EYS: variants seen among roughly 807,000 people sequenced by gnomAD.
EYS encodes protein eyes shut homolog.
Under a neutral mutation model 282.1 loss-of-function variants are expected in EYS, and 250 were observed. That is an observed-to-expected ratio of 0.89 (90% CI 0.80 to 0.98). The LOEUF (loss-of-function observed/expected upper bound fraction) is 0.98. EYS is among the 50% of genes least tolerant of loss of function. EYS has a pLI of 0.00. For missense variants in EYS, 4,016 were observed against 3,709.0 expected, an observed-to-expected ratio of 1.08 and a Z score of -2.15; for synonymous variants, 1,355 against 1,282.9, an observed-to-expected ratio of 1.06 and a Z score of -1.20.
chr6:65,046,350 C>T lies in EYS; in HGVS notation c.2137+11264G>A, dbSNP rs556112496. Among the ~76,000 whole-genome samples the T allele has an allele frequency of 5.3e-5, 8 of 151,924 alleles. No individual in the cohort carries two copies. In the South Asian group the frequency reaches 1.0e-3, roughly 20 times the overall value. Reference sequence around the variant, plus strand: ...TGGTACAGTGATAAATTTATTAGCTCAAGTAGCAAATCATGAGAGTAGAAG... The same window carrying T: ...TGGTACAGTGATAAATTTATTAGCTTAAGTAGCAAATCATGAGAGTAGAAG... On this transcript the variant is annotated intron_variant, in intron 13 of 42. Transcript: ENST00000503581.
chr6:64,089,108 C>T (rs1174584539), intron 31 of EYS, among the ~76,000 whole-genome samples: 1 of 151,856 alleles, frequency 6.6e-6, no homozygotes, highest in Non-Finnish European at 1.5e-5. Context: ...GGACATCGTA[C>T]AAACTCTGTG....
At chr6:64,812,220 C>T (rs368249553) in intron 22 of EYS, among the ~76,000 whole-genome samples, 11 of 146,468 alleles carry the variant, frequency 7.5e-5, no homozygotes, top group South Asian at 2.2e-4. Flanking sequence ...ACACAAGATA[C>T]GAGAAAGAAG....
At chr6:63,809,317 C>T (rs937049811) in intron 36 of EYS, among the ~76,000 whole-genome samples, 3 of 152,158 alleles carry the variant, frequency 2.0e-5, no homozygotes, top group Admixed American at 1.3e-4. Context: ...TTCCATCTTC[C>T]GCCAGGTAAC....
At chr6:63,755,506 A>C (rs1275864182) in intron 41 of EYS, among the ~76,000 whole-genome samples, 1 of 152,184 alleles carries the variant, frequency 6.6e-6, no homozygotes, top group Non-Finnish European at 1.5e-5. Flanking sequence ...TTTTGGTACC[A>C]GTACCATGCT....
intron 22 of EYS, among the ~76,000 whole-genome samples, chr6:64,752,643 G>A (rs1253398708): frequency 6.6e-6 from 1 of 151,974 alleles, no homozygotes; most frequent in African/African-American, 2.4e-5. Context: ...CCAGATACAA[G>A]AAGCTCAGAG....
At chr6:64,393,325 C>G (rs1231000483) in intron 28 of EYS, among the ~76,000 whole-genome samples, 2 of 151,992 alleles carry the variant, frequency 1.3e-5, no homozygotes, top group Admixed American at 6.5e-5. Flanking sequence ...AGAGATACAA[C>G]AAAAAAAGAG....
At position 65,491,966 on chromosome 6, in the gene EYS, C is replaced by A. The variant is rs931525653; in HGVS notation, c.749-1259G>T. On this transcript the variant is annotated intron_variant, in intron 4 of 42. Transcript: ENST00000503581. ...AAAGACACAGGGAGAAGACAGCAGT[C>A]TATGGACCAAGCAAATAGATCTCAG... Among the ~76,000 whole-genome samples the A allele has an allele frequency of 5.9e-5, 9 of 152,114 alleles. No homozygotes were observed. The East Asian group carries it at 1.7e-3, about 29-fold the overall frequency.
rs73765756 is a variant in EYS, at chr6:65,085,091, A to G, written c.2024-27364T>C. On this transcript the variant is annotated intron_variant, in intron 12 of 42. Coordinates refer to ENST00000503581, the MANE Select transcript of EYS (RefSeq NM_001142800.2). ...ATTAGATGTCTCAACTGGTGAACAG[A>G]AGAAAATTATAAATAAGAAATTATG... 2.8e-3 allele frequency among the ~76,000 whole-genome samples: 423 copies of G among 152,302 alleles called. 6 individuals carry two copies. The highest frequency in any genetic ancestry group is 0.01 in the Middle Eastern group (3 of 294).
intron 2 of EYS, among the ~76,000 whole-genome samples, chr6:65,578,616 T>C (rs538381344): frequency 6.6e-6 from 1 of 151,790 alleles, no homozygotes; most frequent in Non-Finnish European, 1.5e-5. Flanking sequence ...TTAAAAAAAA[T>C]GATAAGTGTG....
chr6:64,728,345 A>T (rs1771832642), intron 22 of EYS, among the ~76,000 whole-genome samples: 1 of 151,498 alleles, frequency 6.6e-6, no homozygotes, highest in African/African-American at 2.4e-5. Context: ...TTTATTTTTT[A>T]TTTTTTTGAG....
chr6:65,077,440 G>A (rs1019862992), intron 12 of EYS, among the ~76,000 whole-genome samples: 7 of 152,102 alleles, frequency 4.6e-5, no homozygotes, highest in Middle Eastern at 3.4e-3. Flanking sequence ...TGAAGAAAAC[G>A]CTCTAGGTTT....
intron 30 of EYS, among the ~76,000 whole-genome samples, chr6:64,250,292 A>G (rs1274271733): frequency 6.6e-6 from 1 of 152,214 alleles, no homozygotes; most frequent in Non-Finnish European, 1.5e-5. Flanking sequence ...ACAAATAAAC[A>G]GTGATCCATT....
At chr6:64,175,160 T>C (rs1251851593) in intron 31 of EYS, among the ~76,000 whole-genome samples, 1 of 152,170 alleles carries the variant, frequency 6.6e-6, no homozygotes, top group Non-Finnish European at 1.5e-5. Context: ...TTTAATAATA[T>C]CTGATTCCTT....
chr6:64,140,187 C>A (rs1016175939), intron 31 of EYS, among the ~76,000 whole-genome samples: 4 of 151,952 alleles, frequency 2.6e-5, no homozygotes, highest in African/African-American at 7.3e-5. Context: ...CTGGGGTAAC[C>A]CCCCATCTAT....
At chr6:63,999,215 A>T in intron 33 of EYS, 32 bp from the exon 34 acceptor site, 1 of 1,454,636 alleles carries the variant, frequency 6.9e-7, no homozygotes, top group Non-Finnish European at 9.4e-7. Flanking sequence ...CCATTATGAT[A>T]TGTGTTTTTG....
chr6:64,467,109 T>C (rs913051512), intron 26 of EYS, among the ~76,000 whole-genome samples: 1 of 152,166 alleles, frequency 6.6e-6, no homozygotes, highest in African/African-American at 2.4e-5. Context: ...CAAAAACTCT[T>C]CTCAAAAGAG....
intron 22 of EYS, among the ~76,000 whole-genome samples, chr6:64,808,021 C>T (rs1186200415): frequency 6.6e-6 from 1 of 150,448 alleles, no homozygotes; most frequent in Non-Finnish European, 1.5e-5. Flanking sequence ...TCCCTCCTTC[C>T]TTCCTCCCTC....
chr6:64,133,476 T>TCACACACACACA (rs61088369), intron 31 of EYS, among the ~76,000 whole-genome samples: 29 of 142,460 alleles, frequency 2.0e-4, no homozygotes, highest in East Asian at 6.1e-4. Context: ...TTGCATTACT[T>TCACACACACACA]CACACACACA....
chr6:63,955,474 G>A (rs748473324), intron 35 of EYS, among the ~76,000 whole-genome samples: 8 of 151,942 alleles, frequency 5.3e-5, no homozygotes, highest in East Asian at 3.9e-4. Flanking sequence ...TCTTATTCTC[G>A]TTCCCATTCT....
Sources: gnomAD v4.1 joint callset for allele counts (sites outside exome capture counted in the v4.1 genomes callset) on GRCh38, gnomAD v4.1.1 for gene constraint, MANE v1.5 for transcripts, NCBI Gene and HGNC (gene_info 2026-07-23, HGNC 2026-07-21) for gene names.